The following ROBO1 variants were observed in gnomAD, a reference collection of about 807,000 sequenced individuals.
ROBO1 encodes roundabout homolog 1.
A neutral mutation model predicts 195.9 loss-of-function variants in ROBO1; 149 were observed. That is an observed-to-expected ratio of 0.76 (90% CI 0.67 to 0.87). The LOEUF is 0.87. Among genes scored for constraint, ROBO1 ranks in the 40% least tolerant of loss-of-function variants. The probability of loss-of-function intolerance (pLI) is 0.00; values close to 1 mark genes in which losing one functional copy is unlikely to be tolerated. For missense variants in ROBO1, 1,933 were observed against 2,068.3 expected (o/e 0.93, Z 1.27); for synonymous variants, 816 against 733.2 (o/e 1.11, Z -1.82).
intron 3 of ROBO1, among the ~76,000 whole-genome samples, chr3:78,964,089 G>C (rs960393147): frequency 2.0e-5 from 3 of 152,046 alleles, no homozygotes; most frequent in African/African-American, 7.2e-5. Context: ...CAGTTCCCCG[G>C]CGGCTGCTGC....
At chr3:79,212,877 C>T (rs1441304921) in intron 2 of ROBO1, among the ~76,000 whole-genome samples, 3 of 150,646 alleles carry the variant, frequency 2.0e-5, no homozygotes, top group Non-Finnish European at 4.4e-5. Flanking sequence ...TAAAATAACC[C>T]ATTCTGGGTC....
chr3:79,639,078 G>C (rs555846536), intron 1 of ROBO1, among the ~76,000 whole-genome samples: 5 of 152,294 alleles, frequency 3.3e-5, no homozygotes, highest in African/African-American at 1.2e-4. Flanking sequence ...GTTTGGGAGA[G>C]AGTTTCTATC....
chr3:79,237,712 G>GA (rs2082438296), intron 2 of ROBO1, among the ~76,000 whole-genome samples: 1 of 152,022 alleles, frequency 6.6e-6, no homozygotes, highest in Non-Finnish European at 1.5e-5. Flanking sequence ...AAAAGATGTA[G>GA]AAAAAGTCTA....
chr3:78,711,786 G>A (rs1222347629), intron 8 of ROBO1, among the ~76,000 whole-genome samples: 1 of 150,840 alleles, frequency 6.6e-6, no homozygotes, highest in African/African-American at 2.4e-5. Flanking sequence ...ACCACGCCCG[G>A]CCCCCTGTGC....
intron 1 of ROBO1, among the ~76,000 whole-genome samples, chr3:79,600,497 A>C (rs1366226586): frequency 1.3e-5 from 2 of 152,008 alleles, no homozygotes; most frequent in African/African-American, 4.8e-5. Flanking sequence ...GTTGTTTAGC[A>C]AGCATGTTTA....
At chr3:79,176,505 T>A (rs1452858587) in intron 2 of ROBO1, among the ~76,000 whole-genome samples, 2 of 152,186 alleles carry the variant, frequency 1.3e-5, no homozygotes, top group African/African-American at 4.8e-5. Flanking sequence ...TCACCCAGGC[T>A]GGGGTGCAGT....
rs528859283 is a variant in ROBO1 at position 79,263,410 on chromosome 3, A to G, written c.89-137871T>C. ...ATGCCTATAATCCTAGCACTTTGAG[A>G]GTCCAAGGCAGGAAAACAGCATGAG... On this transcript the variant is annotated intron_variant, in intron 2 of 30. Coordinates refer to ENST00000464233, the MANE Select transcript of ROBO1 (RefSeq NM_002941.4). Among the ~76,000 whole-genome samples, 46 of 152,208 alleles carry G rather than the reference A, an allele frequency of 3.0e-4. No homozygotes were observed. In the South Asian group the frequency reaches 9.1e-3, roughly 30 times the overall value.
chr3:79,543,021 A>G (rs1314015806), intron 2 of ROBO1, among the ~76,000 whole-genome samples: 1 of 152,066 alleles, frequency 6.6e-6, no homozygotes, highest in East Asian at 1.9e-4. Flanking sequence ...GGGATTTCAA[A>G]GTTTTTAATA....
At chr3:78,764,221 T>C (rs1045311318) in intron 4 of ROBO1, among the ~76,000 whole-genome samples, 12 of 152,288 alleles carry the variant, frequency 7.9e-5, no homozygotes, top group Admixed American at 7.2e-4. Flanking sequence ...TTTTGAATCA[T>C]AGCATGTTTT....
intron 1 of ROBO1, among the ~76,000 whole-genome samples, chr3:79,737,656 C>CAAA (rs11381251): frequency 0.021 from 3,143 of 149,178 alleles, 33 homozygotes; most frequent in African/African-American, 0.029. Context: ...TTTGTCCTAT[C>CAAA]AAAAAAAAAA....
intron 2 of ROBO1, among the ~76,000 whole-genome samples, chr3:79,558,469 T>C (rs1182671027): frequency 1.2e-4 from 19 of 152,232 alleles, no homozygotes; most frequent in Admixed American, 1.2e-3. Flanking sequence ...ATGTTAGTTA[T>C]TGATAAGGCT....
chr3:79,489,438 G>T (rs1367149634), intron 2 of ROBO1, among the ~76,000 whole-genome samples: 2 of 152,058 alleles, frequency 1.3e-5, no homozygotes, highest in East Asian at 1.9e-4. Flanking sequence ...GGCGGATCAC[G>T]AGGTCAAGAG....
intron 2 of ROBO1, among the ~76,000 whole-genome samples, chr3:79,352,419 T>C (rs1417746881): frequency 6.6e-6 from 1 of 152,196 alleles, no homozygotes; most frequent in East Asian, 1.9e-4. Flanking sequence ...TACACAACTA[T>C]AATGCATTAT....
At chr3:79,700,713 A>G (rs923675970) in intron 1 of ROBO1, among the ~76,000 whole-genome samples, 2 of 151,578 alleles carry the variant, frequency 1.3e-5, no homozygotes, top group African/African-American at 4.8e-5. Flanking sequence ...CTACTTTTTA[A>G]TGGGGTTATT....
intron 18 of ROBO1, among the ~76,000 whole-genome samples, chr3:78,654,358 T>C (rs9876499): frequency 1 from 152,320 of 152,350 alleles, 76,145 homozygotes; most frequent in Non-Finnish European, 1. Flanking sequence ...CCTATTTTCA[T>C]AAGCAGTTAC....
chr3:78,702,200 AC>A (rs561927969), intron 8 of ROBO1, among the ~76,000 whole-genome samples: 340 of 152,314 alleles, frequency 2.2e-3, no homozygotes, highest in African/African-American at 7.7e-3. Context: ...CAGTCTAAAA[AC>A]AAGAATTCTA....
chr3:78,969,611 T>C (rs183576394), intron 3 of ROBO1, among the ~76,000 whole-genome samples: 7 of 152,102 alleles, frequency 4.6e-5, no homozygotes, highest in African/African-American at 1.7e-4. Context: ...AAGTTCAGTA[T>C]CATCTGAGTA....
At chr3:78,845,202 A>G (rs2033573233) in intron 4 of ROBO1, among the ~76,000 whole-genome samples, 1 of 149,866 alleles carries the variant, frequency 6.7e-6, no homozygotes, top group Non-Finnish European at 1.5e-5. Context: ...GGTTTTAGAG[A>G]TTTAATATGA....
chr3:79,593,863 C>T (rs558269321), intron 1 of ROBO1, among the ~76,000 whole-genome samples: 35 of 152,060 alleles, frequency 2.3e-4, no homozygotes, highest in Non-Finnish European at 3.2e-4. Flanking sequence ...GGGATCTGCC[C>T]GCTTTGGCCT....
Sources: allele counts gnomAD v4.1 joint callset (sites outside exome capture counted in the v4.1 genomes callset), GRCh38; gene constraint gnomAD v4.1.1; transcripts MANE v1.5; gene names NCBI Gene and HGNC (gene_info 2026-07-23, HGNC 2026-07-21).